The following SH2B1 variants were observed in gnomAD, a reference collection of about 807,000 sequenced individuals.
SH2B1 encodes the protein SH2B adapter protein 1.
In SH2B1, 15 loss-of-function variants were observed where a neutral mutation model predicts 62.6. That is an observed-to-expected ratio of 0.24 (90% CI 0.16 to 0.37). The LOEUF (loss-of-function observed/expected upper bound fraction) is 0.37, where lower values mean the gene tolerates loss of function less well. Among genes scored for constraint, SH2B1 ranks in the 10% least tolerant of loss-of-function variants. The pLI is 1.00. For missense variants in SH2B1, 925 were observed against 1,015.6 expected (o/e 0.91, Z 1.21); for synonymous variants, 443 against 438.0 (o/e 1.01, Z -0.14).
At chr16:28,853,078 TTATA>T (rs1184283099) in intron 1 of SH2B1, among the ~76,000 whole-genome samples, 9 of 115,422 alleles carry the variant, frequency 7.8e-5, no homozygotes, top group African/African-American at 3.2e-4. Flanking sequence ...ACATATATAT[TTATA>T]TATATTTATA....
In SH2B1 at chr16:28,863,895, C is replaced by G. The variant is rs1268923367; in HGVS notation, c.-2200C>G. The G allele has an allele frequency of 3.9e-5, 22 of 570,996 alleles. No individual in the cohort carries two copies. The highest frequency in any genetic ancestry group is 5.5e-5 in the Non-Finnish European group (22 of 398,576). 35.4% of individuals were successfully genotyped at this position (570,996 alleles called of 1,614,324 possible). A position where few individuals can be genotyped will look rare whatever the true frequency, so the allele number is the denominator to read the frequency against. On this transcript the variant is annotated 5_prime_UTR_variant, in exon 1 of 8. Coordinates refer to ENST00000684370, the MANE Select transcript of SH2B1 (RefSeq NM_001387430.1). Reference sequence around the variant, plus strand: ...TGGGTGGGGGCGCAGGGAGCGGGAGCCGCCGCCGCCGCCGCCGCCGCCGGA... The same window carrying G: ...TGGGTGGGGGCGCAGGGAGCGGGAGGCGCCGCCGCCGCCGCCGCCGCCGGA...
chr16:28,866,135 C>T lies in SH2B1; in HGVS notation c.41C>T (p.Ser14Leu), dbSNP rs763955724. 97 of 1,562,118 alleles carry T rather than the reference C, an allele frequency of 6.2e-5. No individual in the cohort carries two copies. Among genetic ancestry groups the T allele is most frequent in the Non-Finnish European group, 8.1e-5 (94 of 1,155,964 alleles). ...TCCCCAGAGGACGGGGCCTCCCCCT[C>T]GTCTCCCCCGCTGCCCCCACCCCCG... is the stretch of plus-strand genomic sequence containing the variant. Reference protein sequence around the residue: ...APSPEDGASPSSPPLPPPPPP... With the variant: ...APSPEDGASPLSPPLPPPPPP... Residue 14 changes from serine to leucine, a missense_variant, in exon 1 of 8, where the codon TCG becomes TTG. By Grantham distance (145) the Ser-to-Leu change is moderately radical. Around this residue, in one of 3 missense-constraint regions of SH2B1, gnomAD observed 683 missense variants for 704.0 expected, o/e 0.97. Coordinates refer to ENST00000684370, the MANE Select transcript of SH2B1 (RefSeq NM_001387430.1). This position sits in a 1 kb window ranked among gnomAD's most constrained non-coding sequence, Gnocchi z 6.3.
rs1436219521 is a variant in SH2B1, at chr16:28,873,342, A to T, written c.1898-105A>T. The T allele has an allele frequency of 2.5e-6, 4 of 1,587,616 alleles. No homozygotes were observed. In the African/African-American group the frequency reaches 4.0e-5, roughly 16 times the overall value. ...GATGGGGGGTTGCTCAGGAGATGGG[A>T]TGTGGGGAGACAGCCACGCTCCTGG... On this transcript the variant is annotated intron_variant, in intron 7 of 7. Transcript: ENST00000684370. The surrounding 1 kb of genome is among the most constrained non-coding windows in gnomAD (Gnocchi z 4.2).
At chr16:28,857,710 G>C (rs1962350864) in intron 1 of SH2B1, among the ~76,000 whole-genome samples, 1 of 150,784 alleles carries the variant, frequency 6.6e-6, no homozygotes, top group African/African-American at 2.4e-5. Context: ...TTGCTGACCA[G>C]AACACCCACT....
At chr16:28,846,663 T>A (rs927514845), upstream of SH2B1, 5 of 207,926 alleles carry the variant, frequency 2.4e-5, no homozygotes, top group Non-Finnish European at 4.9e-5. Context: ...TCAGGCGGGC[T>A]AGGCCGGACC....
Position 28,871,921 on chromosome 16 carries a change from C to A in SH2B1, c.1451C>A (p.Thr484Lys), listed in dbSNP as rs752391959. ...ATCCCCATTGAAGAGGGACCCCCAACAGGGACAGTTCATCCCCTCTCAGCC... is the reference window on the plus strand; with the variant it reads ...ATCCCCATTGAAGAGGGACCCCCAAAAGGGACAGTTCATCCCCTCTCAGCC... ...PRIPIEEGPPTGTVHPLSAPY... is the reference protein window; with the variant it reads ...PRIPIEEGPPKGTVHPLSAPY... Residue 484 changes from threonine to lysine, a missense_variant, in exon 5 of 8, where the codon ACA becomes AAA. By Grantham distance (78) the Thr-to-Lys change is moderately conservative. Around this residue, in one of 3 missense-constraint regions of SH2B1, gnomAD observed 683 missense variants for 704.0 expected, o/e 0.97. Transcript: ENST00000684370. 1.3e-6 allele frequency: 2 copies of A among 1,597,042 alleles called. No homozygotes were observed. Among genetic ancestry groups the A allele is most frequent in the Admixed American group, 1.7e-5 (1 of 59,754 alleles).
chr16:28,867,664 T>G (rs568454054), intron 2 of SH2B1, among the ~76,000 whole-genome samples: 16 of 152,284 alleles, frequency 1.1e-4, no homozygotes, highest in African/African-American at 3.6e-4. Flanking sequence ...TTGTTGTGGT[T>G]GTTTTAGAGA....
Position 28,873,646 on chromosome 16 carries a change from C to T in SH2B1, c.2097C>T (p.Val699=). ...AGCTGGTCCCCGTGGTTGAGCTGGTCCCCGTGGTTGAATTGGAAGAGGCCA... is the reference window on the plus strand; with the variant it reads ...AGCTGGTCCCCGTGGTTGAGCTGGTTCCCGTGGTTGAATTGGAAGAGGCCA... ...PEELVPVVEL[V]PVVELEEAIA... The change falls in exon 8 of 8, where the codon GTC becomes GTT. Residue 699 remains valine (V), a synonymous_variant. Transcript: ENST00000684370. The surrounding 1 kb of genome is among the most constrained non-coding windows in gnomAD (Gnocchi z 4.2). The T allele has an allele frequency of 6.5e-7, 1 of 1,533,842 alleles. No homozygotes were observed. Among genetic ancestry groups the T allele is most frequent in the South Asian group, 1.2e-5 (1 of 81,526 alleles).
upstream of SH2B1, chr16:28,862,185 C>G (rs535345312): frequency 1.3e-5 from 2 of 152,222 alleles, no homozygotes; most frequent in African/African-American, 4.8e-5. Flanking sequence ...AACTACCCTC[C>G]GTACTTTAAT....
upstream of SH2B1, among the ~76,000 whole-genome samples, chr16:28,860,725 T>TC (rs372421932): frequency 6.6e-6 from 1 of 151,974 alleles, no homozygotes; most frequent in Non-Finnish European, 1.5e-5. Flanking sequence ...TTTGCCCATT[T>TC]CCCCCCGACA....
chr16:28,864,014 G>A lies in SH2B1; in HGVS notation c.-2081G>A. On this transcript the variant is annotated 5_prime_UTR_variant, in exon 1 of 8. Coordinates refer to ENST00000684370, the MANE Select transcript of SH2B1 (RefSeq NM_001387430.1). ...TCTCCGCGACCCGGCCCTGGCGCCC[G>A]AGAGGATTCCTGGGTGGGGGTGGGC... is the stretch of plus-strand genomic sequence containing the variant. 1 of 1,401,156 alleles carries A rather than the reference G, an allele frequency of 7.1e-7. No individual in the cohort carries two copies. Among genetic ancestry groups the A allele is most frequent in the Non-Finnish European group, 9.3e-7 (1 of 1,079,408 alleles). The allele number at this position is 1,401,156 out of a possible 1,614,324, so 86.8% of individuals were successfully genotyped here.
intron 1 of SH2B1, among the ~76,000 whole-genome samples, chr16:28,853,053 T>C (rs1182354425): frequency 9.1e-6 from 1 of 109,742 alleles, no homozygotes; most frequent in Non-Finnish European, 1.7e-5. Context: ...TATTTATATA[T>C]GTACATATAT....
chr16:28,856,290 C>CCA lies in SH2B1; in HGVS notation c.-300-5317_-300-5316dup, dbSNP rs1231988124. 9.8e-4 allele frequency among the ~76,000 whole-genome samples: 142 copies of CCA among 144,660 alleles called. 1 individual carries two copies. The highest frequency in any genetic ancestry group is 3.3e-3 in the African/African-American group (128 of 38,522). The allele number at this position is 144,660 out of a possible 152,430, so 94.9% of individuals were successfully genotyped here. ...TCCATCTCAAAAAAAAAAAAAAAAA[C>CCA]CACACACACACAAAAAAGTGCCTAA... On this transcript the variant is annotated intron_variant, in intron 1 of 10. Transcript: ENST00000322610.
In SH2B1 at chr16:28,852,806, TTACATATATTTACATATATATTTA is replaced by T. The variant is rs1962189868; in HGVS notation, c.-301+5982_-301+6005del. On this transcript the variant is annotated intron_variant, in intron 1 of 10. Coordinates refer to the SH2B1 transcript ENST00000322610. ...TTTACATATATATTTACATATATAT[TTACATATATTTACATATATATTTA>T]TATATATATACATATATATATTTTT... 6.9e-5 allele frequency among the ~76,000 whole-genome samples: 4 copies of T among 57,598 alleles called. 1 individual carries two copies. The highest frequency in any genetic ancestry group is 1.8e-4 in the African/African-American group (2 of 10,962). 37.8% of individuals were successfully genotyped at this position (57,598 alleles called of 152,430 possible).
chr16:28,863,845 AC>A lies in SH2B1; in HGVS notation c.-2248del. The A allele has an allele frequency of 1.3e-6, 2 of 1,530,648 alleles. No homozygotes were observed. Among genetic ancestry groups the A allele is most frequent in the Non-Finnish European group, 1.7e-6 (2 of 1,144,434 alleles). The allele number at this position is 1,530,648 out of a possible 1,614,324, so 94.8% of individuals were successfully genotyped here. A position where few individuals can be genotyped will look rare whatever the true frequency, so the allele number is the denominator to read the frequency against. ...AAGGGGGTCCTGACGCCTGCGCGGA[AC>A]CGGGCTGGGCGCTCGTCGCGTAGTG... On this transcript the variant is annotated 5_prime_UTR_variant, in exon 1 of 8. Coordinates refer to ENST00000684370, the MANE Select transcript of SH2B1 (RefSeq NM_001387430.1).
Position 28,866,055 on chromosome 16 carries a change from T to C in SH2B1, c.-40T>C. 6.6e-7 allele frequency: 1 copy of C among 1,507,776 alleles called. No homozygotes were observed. The highest frequency in any genetic ancestry group is 8.8e-7 in the Non-Finnish European group (1 of 1,136,750). 93.4% of individuals were successfully genotyped at this position (1,507,776 alleles called of 1,614,324 possible). Reference sequence around the variant, plus strand: ...CGTCTTCTGGCTGCCTCCCTCTTTGTGCCCCACAGGCTCCCCCTCTCCACC... The same window carrying C: ...CGTCTTCTGGCTGCCTCCCTCTTTGCGCCCCACAGGCTCCCCCTCTCCACC... On this transcript the variant is annotated 5_prime_UTR_variant, in exon 1 of 8. Transcript: ENST00000684370. The surrounding 1 kb of genome is among the most constrained non-coding windows in gnomAD (Gnocchi z 6.3).
intron 1 of SH2B1, among the ~76,000 whole-genome samples, chr16:28,855,613 T>G (rs536856629): frequency 3.4e-4 from 51 of 148,470 alleles, no homozygotes; most frequent in South Asian, 1.5e-3. Flanking sequence ...TCTCACCAGC[T>G]CGTGGCACTA....
chr16:28,867,198 G>T, intron 1 of SH2B1, 133 bp from the exon 2 acceptor site: 1 of 1,221,272 alleles, frequency 8.2e-7, no homozygotes, highest in Non-Finnish European at 1.2e-6. Flanking sequence ...CTGCGGGCAG[G>T]ACTGAGAAAG....
At chr16:28,852,292 A>G (rs1469245650) in intron 1 of SH2B1, among the ~76,000 whole-genome samples, 3 of 77,556 alleles carry the variant, frequency 3.9e-5, no homozygotes, top group African/African-American at 1.8e-4. Flanking sequence ...ATATTTACAT[A>G]TATATATTTA....
Sources: allele counts gnomAD v4.1 joint callset (sites outside exome capture counted in the v4.1 genomes callset), GRCh38; gene constraint gnomAD v4.1.1; regional missense constraint gnomAD v4.1.1; non-coding constraint Gnocchi (gnomAD v3.1); transcripts MANE v1.5; gene names NCBI Gene and HGNC (gene_info 2026-07-23, HGNC 2026-07-21).